ASB3: variants seen among roughly 807,000 people sequenced by gnomAD.
ASB3 encodes ankyrin repeat and SOCS box protein 3.
Under a neutral mutation model 54.5 loss-of-function variants are expected in ASB3, and 41 were observed. The ratio of observed to expected loss-of-function variants is 0.75; its 90% CI spans 0.59 to 0.98. ASB3 has a LOEUF of 0.98. Among genes scored for constraint, ASB3 ranks in the 50% least tolerant of loss-of-function variants. The probability of loss-of-function intolerance (pLI) is 0.00; values close to 1 mark genes in which losing one functional copy is unlikely to be tolerated. For synonymous variants in ASB3, 266 were observed against 221.2 expected, an observed-to-expected ratio of 1.20 and a Z score of -1.80; for missense variants, 733 against 620.0, an observed-to-expected ratio of 1.18 and a Z score of -1.94.
chr2:53,779,113 A>G (rs942270702), intron 1 of ASB3, among the ~76,000 whole-genome samples: 1 of 152,110 alleles, frequency 6.6e-6, no homozygotes, highest in Non-Finnish European at 1.5e-5. Context: ...AGTGGTTTTA[A>G]TTTGCATTTC....
At chr2:53,772,206 G>A (rs1470807764) in intron 1 of ASB3, among the ~76,000 whole-genome samples, 4 of 152,000 alleles carry the variant, frequency 2.6e-5, no homozygotes, top group African/African-American at 9.7e-5. Flanking sequence ...ACAGAGTCTA[G>A]CTCTGTCGCC....
intron 2 of ASB3, among the ~76,000 whole-genome samples, chr2:53,763,023 T>G (rs907667078): frequency 6.6e-6 from 1 of 152,172 alleles, no homozygotes; most frequent in South Asian, 2.1e-4. Context: ...GGTGCACTAA[T>G]TATCTTTTAG....
In ASB3 at chr2:53,729,465, G is replaced by C; in HGVS notation, c.461C>G (p.Ser154Cys). 6.2e-7 allele frequency: 1 copy of C among 1,613,732 alleles called. No homozygotes were observed. The highest frequency in any genetic ancestry group is 8.5e-7 in the Non-Finnish European group (1 of 1,179,746). Reference sequence around the variant, plus strand: ...AATAAATTCAGAGGTTACCTGAAAAGAAGCCTGGTGCAAGGAGTTCCATCC... The same window carrying C: ...AATAAATTCAGAGGTTACCTGAAAACAAGCCTGGTGCAAGGAGTTCCATCC... ...MCGWNSLHQA[S>C]FQENAEIIKL... The change falls in exon 4 of 10, where the codon TCT becomes TGT. Residue 154 changes from serine to cysteine, a missense_variant. Coordinates refer to ENST00000263634, the MANE Select transcript of ASB3 (RefSeq NM_016115.5).
At chr2:53,693,481 T>C (rs920712940) in intron 9 of ASB3, among the ~76,000 whole-genome samples, 1 of 152,100 alleles carries the variant, frequency 6.6e-6, no homozygotes, top group Admixed American at 6.6e-5. Context: ...TTAGATATGA[T>C]AAAATATTAC....
intron 8 of ASB3, among the ~76,000 whole-genome samples, chr2:53,696,904 T>G (rs1434920233): frequency 5.3e-5 from 8 of 152,166 alleles, no homozygotes; most frequent in Non-Finnish European, 1.5e-5. Context: ...GTGTCAGAGG[T>G]GTATGAACCA....
At chr2:53,689,422 A>G (rs1438233826) in intron 9 of ASB3, among the ~76,000 whole-genome samples, 6 of 152,244 alleles carry the variant, frequency 3.9e-5, no homozygotes, top group African/African-American at 1.4e-4. Context: ...AAGAAAACAG[A>G]AAAACAAATA....
At chr2:53,672,145 A>G (rs1025137428) in intron 9 of ASB3, among the ~76,000 whole-genome samples, 1 of 152,242 alleles carries the variant, frequency 6.6e-6, no homozygotes, top group Non-Finnish European at 1.5e-5. Flanking sequence ...GAATTAAAGA[A>G]ATCACTCAAA....
At position 53,670,509 on chromosome 2, in the gene ASB3, A is replaced by G. The variant is rs372882774; in HGVS notation, c.1551T>C (p.Asp517=). 71 of 1,613,398 alleles carry G rather than the reference A, an allele frequency of 4.4e-5. No homozygotes were observed. Among genetic ancestry groups the G allele is most frequent in the Non-Finnish European group, 5.8e-5 (69 of 1,179,910 alleles). Reference sequence around the variant, plus strand: ...GTTAAGTAGTTTCACTGATTTATCCATCTTGAATAGCTGCCAGTTCTGGAA... The same window carrying G: ...GTTAAGTAGTTTCACTGATTTATCCGTCTTGAATAGCTGCCAGTTCTGGAA... ...YEVPELAAIQ[D]G The change falls in exon 10 of 10, where the codon GAT becomes GAC. Residue 517 remains aspartate (D), a synonymous_variant. Coordinates refer to ENST00000263634, the MANE Select transcript of ASB3 (RefSeq NM_016115.5).
chr2:53,781,245 C>T (rs1674627106), intron 1 of ASB3, among the ~76,000 whole-genome samples: 1 of 151,932 alleles, frequency 6.6e-6, no homozygotes, highest in Non-Finnish European at 1.5e-5. Flanking sequence ...CTATCTCTTA[C>T]AAAAAATACA....
chr2:53,692,818 C>T (rs1296135598), intron 9 of ASB3, among the ~76,000 whole-genome samples: 5 of 152,146 alleles, frequency 3.3e-5, no homozygotes, highest in Admixed American at 2.6e-4. Context: ...TTAGTAAAAG[C>T]AGATGCAATT....
chr2:53,714,927 T>C (rs1354297951), intron 6 of ASB3, among the ~76,000 whole-genome samples: 2 of 152,174 alleles, frequency 1.3e-5, no homozygotes, highest in Non-Finnish European at 2.9e-5. Flanking sequence ...TAGGGTTTAA[T>C]AAATTATTTA....
intron 7 of ASB3, among the ~76,000 whole-genome samples, chr2:53,701,511 T>A (rs1669493896): frequency 6.6e-6 from 1 of 152,162 alleles, no homozygotes; most frequent in Non-Finnish European, 1.5e-5. Flanking sequence ...GAACACTTCA[T>A]GATATAGCCA....
chr2:53,671,808 T>C (rs1180821839), intron 9 of ASB3, among the ~76,000 whole-genome samples: 2 of 149,306 alleles, frequency 1.3e-5, no homozygotes, highest in South Asian at 2.1e-4. Flanking sequence ...TTTTCCAAGA[T>C]GAAAAGTGTT....
At chr2:53,677,165 G>A (rs1281706994) in intron 9 of ASB3, among the ~76,000 whole-genome samples, 1 of 152,302 alleles carries the variant, frequency 6.6e-6, no homozygotes, top group African/African-American at 2.4e-5. Flanking sequence ...GTAACATGCT[G>A]TACAAGTTTG....
intron 9 of ASB3, among the ~76,000 whole-genome samples, chr2:53,690,785 T>C (rs1009326209): frequency 4.6e-5 from 7 of 152,124 alleles, no homozygotes; most frequent in Admixed American, 1.3e-4. Context: ...TATAAACTGT[T>C]TTAAATCCTT....
At chr2:53,724,974 C>T (rs2103885621) in intron 5 of ASB3, among the ~76,000 whole-genome samples, 1 of 152,224 alleles carries the variant, frequency 6.6e-6, no homozygotes, top group South Asian at 2.1e-4. Flanking sequence ...AATATACATG[C>T]ACTTGCATGT....
chr2:53,698,519 A>G (rs535459423), intron 8 of ASB3, among the ~76,000 whole-genome samples: 1 of 152,324 alleles, frequency 6.6e-6, no homozygotes, highest in South Asian at 2.1e-4. Context: ...GTAGCCATGC[A>G]GCAGCCTGAA....
intron 3 of ASB3, among the ~76,000 whole-genome samples, chr2:53,744,308 C>T (rs1156964476): frequency 2.0e-5 from 3 of 150,632 alleles, no homozygotes; most frequent in South Asian, 4.2e-4. Context: ...GGCATGAACC[C>T]GGGACGCAGA....
chr2:53,786,826 G>T lies in ASB3; in HGVS notation c.-19C>A, dbSNP rs1675048983. Reference sequence around the variant, plus strand: ...CGCCTCCGAGACTCACCGACCTGCCGTGCTGCCACTTCTACACCGAAATGG... The same window carrying T: ...CGCCTCCGAGACTCACCGACCTGCCTTGCTGCCACTTCTACACCGAAATGG... On this transcript the variant is annotated 5_prime_UTR_variant, in exon 1 of 10. Transcript: ENST00000263634. 5.1e-6 allele frequency: 1 copy of T among 195,292 alleles called. No individual in the cohort carries two copies. The highest frequency in any genetic ancestry group is 2.3e-5 in the African/African-American group (1 of 42,932). The allele number at this position is 195,292 out of a possible 1,614,324, so 12.1% of individuals were successfully genotyped here. A position where few individuals can be genotyped will look rare whatever the true frequency, so the allele number is the denominator to read the frequency against.
Sources: gnomAD v4.1 joint callset for allele counts (sites outside exome capture counted in the v4.1 genomes callset) on GRCh38, gnomAD v4.1.1 for gene constraint, MANE v1.5 for transcripts, NCBI Gene and HGNC (gene_info 2026-07-23, HGNC 2026-07-21) for gene names.